The following INSL6 variants were observed in gnomAD, a reference collection of about 807,000 sequenced individuals.
INSL6 encodes the protein insulin like 6.
Under a neutral mutation model 9.4 loss-of-function variants are expected in INSL6, and 16 were observed. The observed-to-expected ratio is 1.70, with a 90% CI of 1.15 to 2.59. The LOEUF is 2.59. Ranked by LOEUF, INSL6 falls within the 30% of genes most tolerant of loss-of-function variation. The pLI is 0.00. For synonymous variants in INSL6, 154 were observed against 96.9 expected, an observed-to-expected ratio of 1.59 and a Z score of -3.46; for missense variants, 391 against 257.3, an observed-to-expected ratio of 1.52 and a Z score of -3.56.
intron 1 of INSL6, among the ~76,000 whole-genome samples, chr9:5,166,166 C>A (rs974889954): frequency 2.0e-5 from 3 of 152,090 alleles, no homozygotes; most frequent in Admixed American, 2.0e-4. Flanking sequence ...CATAAACACA[C>A]GGAAAAGATT....
chr9:5,121,215 G>C (rs757615037), downstream of INSL6, among the ~76,000 whole-genome samples: 12 of 152,148 alleles, frequency 7.9e-5, no homozygotes, highest in Non-Finnish European at 1.6e-4. Context: ...GTAAGCATTA[G>C]AGCAGGATGT....
chr9:4,993,834 T>A, the INSL6 span, among the ~76,000 whole-genome samples: 8,786 of 152,228 alleles, frequency 0.058, 698 homozygotes, highest in African/African-American at 0.18. Context: ...TTGTGTGGAG[T>A]TTGGACATTC....
At chr9:5,012,909 G>A in the INSL6 span, among the ~76,000 whole-genome samples, 18 of 152,134 alleles carry the variant, frequency 1.2e-4, no homozygotes, top group East Asian at 9.6e-4. Flanking sequence ...TAGACTTAGG[G>A]AAAATAGTTA....
the INSL6 span, chr9:5,098,264 T>G: frequency 6.6e-6 from 1 of 152,180 alleles, no homozygotes; most frequent in Non-Finnish European, 1.5e-5. Context: ...CCTCTGTGAC[T>G]TTCTCGATAA....
At chr9:5,146,132 T>G (rs1157903868) in intron 2 of INSL6, among the ~76,000 whole-genome samples, 1 of 152,120 alleles carries the variant, frequency 6.6e-6, no homozygotes, top group African/African-American at 2.4e-5. Flanking sequence ...TTTTTTCTTT[T>G]ATCCTTTTTG....
At chr9:4,995,356 A>C in the INSL6 span, among the ~76,000 whole-genome samples, 1 of 152,182 alleles carries the variant, frequency 6.6e-6, no homozygotes, top group African/African-American at 2.4e-5. Context: ...GTTGTTGTGC[A>C]TCTAGGTAGG....
At chr9:5,007,877 G>C in the INSL6 span, among the ~76,000 whole-genome samples, 1 of 152,000 alleles carries the variant, frequency 6.6e-6, no homozygotes, top group Admixed American at 6.6e-5. Flanking sequence ...ACAGGCACGT[G>C]CCACCACGCC....
chr9:5,178,214 G>C (rs758443628), intron 1 of INSL6, among the ~76,000 whole-genome samples: 1 of 152,142 alleles, frequency 6.6e-6, no homozygotes, highest in African/African-American at 2.4e-5. Flanking sequence ...CCTCCTCCCT[G>C]GGTGAGACCT....
the INSL6 span, chr9:5,090,448 C>G: frequency 3.2e-6 from 5 of 1,542,336 alleles, no homozygotes; most frequent in Admixed American, 3.9e-5. Context: ...GTTAAAAGGT[C>G]GGCGTAATCT....
chr9:5,146,763 T>C lies in INSL6; in HGVS notation c.377-13171A>G, dbSNP rs557430556. 4.6e-5 allele frequency among the ~76,000 whole-genome samples: 7 copies of C among 152,052 alleles called. No individual in the cohort carries two copies. The East Asian group carries it at 9.7e-4, about 21-fold the overall frequency. On this transcript the variant is annotated intron_variant, in intron 2 of 3. Transcript: ENST00000649639. Reference sequence around the variant, plus strand: ...TGTGCCAGCAAAGCAATGTAGGCAGTTGTGTGGGTTTGGGGGAAGCTTCAG... The same window carrying C: ...TGTGCCAGCAAAGCAATGTAGGCAGCTGTGTGGGTTTGGGGGAAGCTTCAG...
chr9:5,081,320 A>T, the INSL6 span, among the ~76,000 whole-genome samples: 2 of 151,044 alleles, frequency 1.3e-5, no homozygotes, highest in East Asian at 3.9e-4. Flanking sequence ...CTCATATTTT[A>T]TAATTGATTG....
chr9:5,112,033 C>T, the INSL6 span: 1 of 407,320 alleles, frequency 2.5e-6, no homozygotes, highest in Non-Finnish European at 4.9e-6. Context: ...GTCCCTGGTG[C>T]CTTATCACCC....
chr9:5,167,909 T>C (rs904597750), intron 1 of INSL6, among the ~76,000 whole-genome samples: 1 of 152,150 alleles, frequency 6.6e-6, no homozygotes, highest in African/African-American at 2.4e-5. Flanking sequence ...TCCACGGTGA[T>C]ACCTCCTGGG....
In INSL6 at chr9:5,164,123, A is replaced by ATT; in HGVS notation, c.430_431dup (p.Asn144LysfsTer16). 1 of 1,612,374 alleles carries ATT rather than the reference A, an allele frequency of 6.2e-7. No homozygotes were observed. The highest frequency in any genetic ancestry group is 8.5e-7 in the Non-Finnish European group (1 of 1,179,468). On this transcript the variant is annotated frameshift_variant, in exon 2 of 2. Transcript: ENST00000381641. LOFTEE classifies it low-confidence loss of function (END_TRUNC). ...TTCTACGTTTCTTCTGAAATTTTGC[A>ATT]TTCTCATGAATATATACATTGATAT... is the stretch of plus-strand genomic sequence containing the variant.
intron 1 of INSL6, 131 bp downstream of exon 1, chr9:5,185,183 T>A (rs1825540346): frequency 8.6e-7 from 1 of 1,161,734 alleles, no homozygotes; most frequent in African/African-American, 1.6e-5. Context: ...CACTGTTTTT[T>A]ACAATTTTTT....
the INSL6 span, chr9:5,090,749 A>G: frequency 3.7e-6 from 6 of 1,603,330 alleles, no homozygotes; most frequent in Non-Finnish European, 5.1e-6. Flanking sequence ...GGTATGGAGT[A>G]TCTTGGTACA....
At chr9:5,151,819 A>G (rs950938078) in intron 2 of INSL6, among the ~76,000 whole-genome samples, 2 of 152,198 alleles carry the variant, frequency 1.3e-5, no homozygotes, top group Non-Finnish European at 2.9e-5. Context: ...ATAAAATATT[A>G]AACACTCCAA....
At chr9:5,145,705 GCAGTCTT>G (rs1392909128) in intron 2 of INSL6, among the ~76,000 whole-genome samples, 9 of 152,072 alleles carry the variant, frequency 5.9e-5, no homozygotes, top group African/African-American at 1.9e-4. Flanking sequence ...TTTAAGAAAG[GCAGTCTT>G]CAGGCTCTGA....
the INSL6 span, among the ~76,000 whole-genome samples, chr9:5,103,221 C>CAAAAA: frequency 1.2e-3 from 8 of 6,872 alleles, 2 homozygotes; most frequent in Admixed American, 3.0e-3. Flanking sequence ...AAAGGGAAAG[C>CAAAAA]AAAAAAAAAA....
Sources: gnomAD v4.1 joint callset for allele counts (sites outside exome capture counted in the v4.1 genomes callset) on GRCh38, gnomAD v4.1.1 for gene constraint, MANE v1.5 for transcripts, NCBI Gene and HGNC (gene_info 2026-07-23, HGNC 2026-07-21) for gene names.